LMBRD2: variants seen among roughly 807,000 people sequenced by gnomAD.
The protein encoded by LMBRD2 is G protein-coupled receptor-associated protein LMBRD2.
A neutral mutation model predicts 94.4 loss-of-function variants in LMBRD2; 55 were observed. The observed-to-expected ratio is 0.58, with a 90% CI of 0.47 to 0.73. The LOEUF (loss-of-function observed/expected upper bound fraction) is 0.73. LMBRD2 is among the 30% of genes least tolerant of loss of function. The pLI is 0.00. For synonymous variants in LMBRD2, 246 were observed against 272.4 expected (o/e 0.90, Z 0.95); for missense variants, 640 against 831.9 (o/e 0.77, Z 2.84).
At chr5:36,142,919 G>C (rs1057296497) in intron 2 of LMBRD2, among the ~76,000 whole-genome samples, 2 of 151,838 alleles carry the variant, frequency 1.3e-5, no homozygotes, top group Non-Finnish European at 2.9e-5. Flanking sequence ...TAGAGACGGT[G>C]TTTCACCGTG....
In LMBRD2 at chr5:36,132,681, A is replaced by G. The variant is rs147995588; in HGVS notation, c.747+3628T>C. 8.4e-3 allele frequency among the ~76,000 whole-genome samples: 1,257 copies of G among 149,006 alleles called. 28 individuals are homozygous for G. The highest frequency in any genetic ancestry group is 0.03 in the African/African-American group (1,218 of 40,916). On this transcript the variant is annotated intron_variant, in intron 6 of 17. Coordinates refer to ENST00000296603, the MANE Select transcript of LMBRD2 (RefSeq NM_001007527.2). ...GAATTTCTCAAAAAAAAAAAAAAAG[A>G]CATACAAATGGCAAACAGGCAAAAA...
chr5:36,142,737 T>G (rs1744442963), intron 2 of LMBRD2, 138 bp from the exon 3 acceptor site: 5 of 533,672 alleles, frequency 9.4e-6, no homozygotes, highest in Middle Eastern at 4.6e-4. Context: ...TTTTTTCTTT[T>G]TGTGTGAGAC....
chr5:36,112,708 T>C (rs1245513025), intron 13 of LMBRD2, among the ~76,000 whole-genome samples: 1 of 152,166 alleles, frequency 6.6e-6, no homozygotes, highest in Non-Finnish European at 1.5e-5. Context: ...TCCTTATAGC[T>C]AAGATTTTAT....
At chr5:36,133,099 C>T (rs561839947) in intron 6 of LMBRD2, among the ~76,000 whole-genome samples, 1 of 152,108 alleles carries the variant, frequency 6.6e-6, no homozygotes, top group Admixed American at 6.6e-5. Flanking sequence ...TGTCTGCACT[C>T]CCATGTTTAT....
At chr5:36,129,863 AG>A (rs1744092448) in intron 6 of LMBRD2, among the ~76,000 whole-genome samples, 1 of 152,240 alleles carries the variant, frequency 6.6e-6, no homozygotes, top group Non-Finnish European at 1.5e-5. Flanking sequence ...GCCATAAAAA[AG>A]GATGAGTTCA....
intron 11 of LMBRD2, among the ~76,000 whole-genome samples, chr5:36,115,731 C>T (rs904150046): frequency 1.3e-5 from 2 of 152,090 alleles, no homozygotes; most frequent in South Asian, 2.1e-4. Context: ...CACACACACA[C>T]ACACGAATGA....
rs1743298053 is a variant in LMBRD2 at position 36,099,123 on chromosome 5, T to C, written c.*4923A>G. 1 of 152,122 alleles carries C rather than the reference T, an allele frequency of 6.6e-6. No homozygotes were observed. Among genetic ancestry groups the C allele is most frequent in the Admixed American group, 6.6e-5 (1 of 15,250 alleles). The allele number at this position is 152,122 out of a possible 1,614,324, so 9.4% of individuals were successfully genotyped here. A position where few individuals can be genotyped will look rare whatever the true frequency, so the allele number is the denominator to read the frequency against. On this transcript the variant is annotated 3_prime_UTR_variant, in exon 18 of 18. Transcript: ENST00000296603. ...ATATATAAAAATCACTGACGGGATC[T>C]AGGAGTATTTCAAGCTCACACTGGA...
At position 36,108,611 on chromosome 5, in the gene LMBRD2, C is replaced by T. The variant is rs767957877; in HGVS notation, c.1820G>A (p.Arg607Lys). ...ATTTCTGTTCCTAGTGGAATCTTCT[C>T]TATTGTGTCCATAACGTTCTTTCCA... ...REWKERYGHNREDSTRNRNIH... is the reference protein window; with the variant it reads ...REWKERYGHNKEDSTRNRNIH... The change falls in exon 16 of 18, where the codon AGA becomes AAA. Residue 607 changes from arginine to lysine, a missense_variant. Physicochemically the swap from Arg to Lys is conservative, Grantham distance 26 (BLOSUM62 2). Around this residue, in one of 2 missense-constraint regions of LMBRD2, gnomAD observed 183 missense variants for 189.1 expected, o/e 0.97. Transcript: ENST00000296603. The T allele has an allele frequency of 6.3e-7, 1 of 1,579,246 alleles. No individual in the cohort carries two copies. Among genetic ancestry groups the T allele is most frequent in the Non-Finnish European group, 8.6e-7 (1 of 1,156,416 alleles).
chr5:36,103,786 C>A lies in LMBRD2; in HGVS notation c.*260G>T. The stretch of plus-strand genomic sequence containing the variant: ...ATGTTCTTAACATATGTTGATCTTT[C>A]TTAAAGTCCTTCCACTGTAACTGTA... On this transcript the variant is annotated 3_prime_UTR_variant, in exon 18 of 18. Transcript: ENST00000296603. 4.0e-6 allele frequency: 1 copy of A among 252,904 alleles called. No homozygotes were observed. The highest frequency in any genetic ancestry group is 7.7e-6 in the Non-Finnish European group (1 of 130,326). 15.7% of individuals were successfully genotyped at this position (252,904 alleles called of 1,614,324 possible).
intron 15 of LMBRD2, among the ~76,000 whole-genome samples, chr5:36,108,876 G>A (rs1743537393): frequency 6.6e-6 from 1 of 151,818 alleles, no homozygotes; most frequent in Non-Finnish European, 1.5e-5. Flanking sequence ...TGCTAACTTT[G>A]GTTGTTACTC....
chr5:36,106,585 C>T (rs10038528), intron 16 of LMBRD2, among the ~76,000 whole-genome samples: 1,613 of 147,448 alleles, frequency 0.011, 23 homozygotes, highest in African/African-American at 0.038. Context: ...TCTCGGCTCA[C>T]TACAACCTCC....
At chr5:36,137,081 A>G (rs904678179) in intron 5 of LMBRD2, among the ~76,000 whole-genome samples, 193 bp downstream of exon 5, 3 of 152,160 alleles carry the variant, frequency 2.0e-5, no homozygotes, top group African/African-American at 4.8e-5. Flanking sequence ...CCTAAAATCT[A>G]TATTTAAAGA....
At chr5:36,127,875 C>G (rs1185438520) in intron 6 of LMBRD2, among the ~76,000 whole-genome samples, 1 of 152,232 alleles carries the variant, frequency 6.6e-6, no homozygotes, top group Non-Finnish European at 1.5e-5. Context: ...TTGCCACCTG[C>G]TGACTGTAGA....
intron 9 of LMBRD2, among the ~76,000 whole-genome samples, chr5:36,120,296 G>A (rs1743859715): frequency 6.6e-6 from 1 of 151,534 alleles, no homozygotes; most frequent in Non-Finnish European, 1.5e-5. Flanking sequence ...GAGTAGCTGG[G>A]ACTACAGGTA....
rs904435423 is a variant in LMBRD2, at chr5:36,100,986, C to G, written c.*3060G>C. 42 of 151,960 alleles carry G rather than the reference C, an allele frequency of 2.8e-4. No individual in the cohort carries two copies. The highest frequency in any genetic ancestry group is 9.7e-5 in the African/African-American group (4 of 41,416). 9.4% of individuals were successfully genotyped at this position (151,960 alleles called of 1,614,324 possible). ...TAAATTTCAGAACTGATCATCTAAT[C>G]AAATAGTAGTCCAAAAAAATCAACT... On this transcript the variant is annotated 3_prime_UTR_variant, in exon 18 of 18. Transcript: ENST00000296603.
chr5:36,102,466 A>G lies in LMBRD2; in HGVS notation c.*1580T>C, dbSNP rs1381542602. The stretch of plus-strand genomic sequence containing the variant: ...GCCACACTTCACATGAAAAGACTGT[A>G]TGTGTGTGTTCTTAAGTGTAGTCTA... On this transcript the variant is annotated 3_prime_UTR_variant, in exon 18 of 18. Coordinates refer to ENST00000296603, the MANE Select transcript of LMBRD2 (RefSeq NM_001007527.2). 6.6e-6 allele frequency: 1 copy of G among 151,732 alleles called. No homozygotes were observed. Among genetic ancestry groups the G allele is most frequent in the Non-Finnish European group, 1.5e-5 (1 of 67,764 alleles). The allele number at this position is 151,732 out of a possible 1,614,324, so 9.4% of individuals were successfully genotyped here.
intron 4 of LMBRD2, among the ~76,000 whole-genome samples, chr5:36,138,629 T>G (rs1186076250): frequency 6.6e-6 from 1 of 152,154 alleles, no homozygotes; most frequent in Non-Finnish European, 1.5e-5. Flanking sequence ...TGAGTGCTGG[T>G]GTATGGGTGT....
intron 11 of LMBRD2, 34 bp from the exon 12 acceptor site, chr5:36,115,154 A>T (rs1391662709): frequency 7.7e-7 from 1 of 1,299,590 alleles, no homozygotes; most frequent in Non-Finnish European, 1.1e-6. Flanking sequence ...GTATATAAAA[A>T]GTAAAGCAGC....
At chr5:36,120,074 T>A (rs1182104176) in intron 9 of LMBRD2, among the ~76,000 whole-genome samples, 2 of 151,992 alleles carry the variant, frequency 1.3e-5, no homozygotes, top group Non-Finnish European at 1.5e-5. Context: ...TTTCTTTTTT[T>A]TTTTTGACGG....
Sources: gnomAD v4.1 joint callset for allele counts (sites outside exome capture counted in the v4.1 genomes callset) on GRCh38, gnomAD v4.1.1 for gene constraint, gnomAD v4.1.1 regional missense constraint, MANE v1.5 for transcripts, NCBI Gene and HGNC (gene_info 2026-07-23, HGNC 2026-07-21) for gene names.